The following RBFOX1 variants were observed in gnomAD, a reference collection of about 807,000 sequenced individuals.
RBFOX1 encodes RNA binding protein fox-1 homolog 1.
RBFOX1 carries 8 observed loss-of-function variants against 57.7 expected under a neutral mutation model. The ratio of observed to expected loss-of-function variants is 0.14; its 90% CI spans 0.08 to 0.25. The LOEUF is 0.25. Among genes scored for constraint, RBFOX1 ranks in the 10% least tolerant of loss-of-function variants. RBFOX1 has a pLI of 1.00. For synonymous variants in RBFOX1, 326 were observed against 222.4 expected, an observed-to-expected ratio of 1.47 and a Z score of -4.15; for missense variants, 611 against 548.5, an observed-to-expected ratio of 1.11 and a Z score of -1.14.
intron 1 of RBFOX1, among the ~76,000 whole-genome samples, chr16:6,153,000 A>G (rs949777241): frequency 3.4e-5 from 5 of 145,358 alleles, no homozygotes; most frequent in Non-Finnish European, 7.6e-5. Flanking sequence ...TGACTATTGG[A>G]TATCTCTCTT....
intron 4 of RBFOX1, among the ~76,000 whole-genome samples, chr16:7,151,957 T>C (rs939124842): frequency 2.4e-4 from 36 of 152,190 alleles, no homozygotes; most frequent in African/African-American, 8.4e-4. Flanking sequence ...CTTTGCTTGC[T>C]CACCTGCTGC....
At chr16:6,814,246 GTGGT>G (rs2089516818) in intron 3 of RBFOX1, among the ~76,000 whole-genome samples, 2 of 143,970 alleles carry the variant, frequency 1.4e-5, no homozygotes, top group Admixed American at 1.5e-4. Flanking sequence ...AGAGAAAATT[GTGGT>G]GGGGGGGAGG....
chr16:6,559,221 T>A (rs1026737714), intron 2 of RBFOX1, among the ~76,000 whole-genome samples: 1 of 152,046 alleles, frequency 6.6e-6, no homozygotes, highest in Admixed American at 6.6e-5. Context: ...GTCATGTCAA[T>A]GTCTAGATAA....
chr16:6,118,042 A>G (rs1386216730), intron 1 of RBFOX1, among the ~76,000 whole-genome samples: 2 of 152,252 alleles, frequency 1.3e-5, no homozygotes, highest in East Asian at 1.9e-4. Context: ...TTGCACTTTC[A>G]TAAGAGTTGC....
intron 1 of RBFOX1, among the ~76,000 whole-genome samples, chr16:6,199,158 A>G (rs76898382): frequency 0.051 from 7,817 of 152,276 alleles, 247 homozygotes; most frequent in Non-Finnish European, 0.074. Flanking sequence ...TACTTTTTGA[A>G]CAAAGTTTCA....
chr16:5,998,130 A>G (rs74824052), intron 4 of RBFOX1, among the ~76,000 whole-genome samples: 3,135 of 152,254 alleles, frequency 0.021, 107 homozygotes, highest in African/African-American at 0.069. Context: ...TCAAGTCTGT[A>G]TAAACCTACC....
chr16:6,360,814 C>T (rs1367270252), intron 2 of RBFOX1, among the ~76,000 whole-genome samples: 1 of 152,166 alleles, frequency 6.6e-6, no homozygotes, highest in Non-Finnish European at 1.5e-5. Flanking sequence ...TCTGCTTTTA[C>T]ATAGTTATCA....
At chr16:7,607,166 C>G (rs2095313789) in intron 9 of RBFOX1, 119 bp from the exon 10 acceptor site, 2 of 871,684 alleles carry the variant, frequency 2.3e-6, no homozygotes, top group Non-Finnish European at 3.5e-6. Context: ...AACGACACCT[C>G]CTTTACATTT....
At chr16:6,025,705 A>G (rs1477718001) in intron 1 of RBFOX1, among the ~76,000 whole-genome samples, 1 of 152,096 alleles carries the variant, frequency 6.6e-6, no homozygotes, top group Non-Finnish European at 1.5e-5. Context: ...ACAGATATTG[A>G]CAGTGCAAAG....
In RBFOX1 at chr16:6,787,465, T is replaced by A. The variant is rs140381337; in HGVS notation, c.-16+132815T>A. 4.1e-3 allele frequency among the ~76,000 whole-genome samples: 624 copies of A among 152,282 alleles called. 4 individuals are homozygous for A. The highest frequency in any genetic ancestry group is 0.015 in the African/African-American group (606 of 41,556). On this transcript the variant is annotated intron_variant, in intron 3 of 15. Transcript: ENST00000550418. ...TTCTCCTGGTTATACAGTTAGAGTG[T>A]GAATTGGAGTCTCCCTGTGGTTAAG...
intron 4 of RBFOX1, among the ~76,000 whole-genome samples, chr16:7,289,022 G>C (rs2095706999): frequency 6.6e-6 from 1 of 152,154 alleles, no homozygotes; most frequent in Non-Finnish European, 1.5e-5. Context: ...GGGCACCCTG[G>C]AGGTTAGTGT....
rs555326034 is a variant in RBFOX1, at chr16:7,687,719, A to T, written c.995+10881A>T. Among the ~76,000 whole-genome samples, 245 of 152,214 alleles carry T rather than the reference A, an allele frequency of 1.6e-3. 2 individuals are homozygous for T. The highest frequency in any genetic ancestry group is 5.5e-3 in the African/African-American group (229 of 41,546). Reference sequence around the variant, plus strand: ...TGATTATAAGACAATTACTAATTATAACTACTGTAATTAGTATAATTAGCA... The same window carrying T: ...TGATTATAAGACAATTACTAATTATTACTACTGTAATTAGTATAATTAGCA... On this transcript the variant is annotated intron_variant, in intron 14 of 15. Transcript: ENST00000550418.
intron 1 of RBFOX1, among the ~76,000 whole-genome samples, chr16:6,063,548 T>C (rs892078357): frequency 2.6e-5 from 4 of 151,884 alleles, no homozygotes; most frequent in African/African-American, 9.7e-5. Flanking sequence ...ACTGATCATA[T>C]TGTTCTGTTA....
At chr16:6,095,212 G>T (rs770795768) in intron 1 of RBFOX1, among the ~76,000 whole-genome samples, 24 of 152,180 alleles carry the variant, frequency 1.6e-4, no homozygotes, top group Non-Finnish European at 2.9e-4. Flanking sequence ...ATAAACAGGT[G>T]GATTTGGAAT....
intron 4 of RBFOX1, among the ~76,000 whole-genome samples, chr16:7,411,344 C>T (rs566140587): frequency 2.6e-5 from 4 of 152,128 alleles, no homozygotes; most frequent in African/African-American, 9.7e-5. Flanking sequence ...GCCACAATTC[C>T]ACATTAGTTT....
intron 1 of RBFOX1, among the ~76,000 whole-genome samples, chr16:6,195,138 G>A (rs2097171422): frequency 6.6e-6 from 1 of 152,168 alleles, no homozygotes; most frequent in Admixed American, 6.6e-5. Flanking sequence ...CAAACAGATG[G>A]CTTAAGAAAG....
intron 4 of RBFOX1, among the ~76,000 whole-genome samples, chr16:5,908,042 CA>C (rs1366177658): frequency 2.0e-5 from 3 of 149,296 alleles, no homozygotes; most frequent in African/African-American, 7.5e-5. Flanking sequence ...TGAGCCATAG[CA>C]CCTGGTAGAT....
chr16:7,390,222 C>G (rs538585162), intron 4 of RBFOX1, among the ~76,000 whole-genome samples: 7 of 152,270 alleles, frequency 4.6e-5, no homozygotes, highest in African/African-American at 1.7e-4. Flanking sequence ...GACCCCTCCT[C>G]CAACACTGAG....
chr16:6,186,381 C>T (rs545798459), intron 1 of RBFOX1, among the ~76,000 whole-genome samples: 34 of 152,258 alleles, frequency 2.2e-4, no homozygotes, highest in African/African-American at 7.7e-4. Context: ...AGAGGATCAT[C>T]TGCATATGGG....
Sources: allele counts gnomAD v4.1 joint callset (sites outside exome capture counted in the v4.1 genomes callset), GRCh38; gene constraint gnomAD v4.1.1; transcripts MANE v1.5; gene names NCBI Gene and HGNC (gene_info 2026-07-23, HGNC 2026-07-21).